The following GREB1 variants were observed in gnomAD, a reference collection of about 807,000 sequenced individuals.
GREB1 encodes the protein growth regulating estrogen receptor binding 1.
Under a neutral mutation model 200.7 loss-of-function variants are expected in GREB1, and 106 were observed. The ratio of observed to expected loss-of-function variants is 0.53; its 90% CI spans 0.45 to 0.62. GREB1 has a LOEUF of 0.62. GREB1 is among the 20% of genes least tolerant of loss of function. The pLI is 0.00. For synonymous variants in GREB1, 1,132 were observed against 1,092.4 expected (o/e 1.04, Z -0.72); for missense variants, 2,243 against 2,556.8 (o/e 0.88, Z 2.65).
At position 11,566,551 on chromosome 2, in the gene GREB1, T is replaced by C. The variant is rs1193329798; in HGVS notation, c.349T>C (p.Phe117Leu). 1 of 1,614,130 alleles carries C rather than the reference T, an allele frequency of 6.2e-7. No individual in the cohort carries two copies. Among genetic ancestry groups the C allele is most frequent in the Middle Eastern group, 1.7e-4 (1 of 6,056 alleles). ...CGAGCCCATGGATGTCCCTGCGGGC[T>C]TTCTCCTCGTGGGGGTCAAGTCCCC... ...SNEPMDVPAG[F>L]LLVGVKSPSL... The change falls in exon 4 of 33, where the codon TTT becomes CTT. Residue 117 changes from phenylalanine to leucine, a missense_variant. Phe to Leu is a conservative substitution (Grantham distance 22). Transcript: ENST00000381486.
In GREB1 at chr2:11,600,676, C is replaced by T. The variant is rs922926719; in HGVS notation, c.2334-124C>T. On this transcript the variant is annotated intron_variant, in intron 15 of 32. Transcript: ENST00000381486. ...TATTTTCTCTATTCTTAGTCAGGGG[C>T]AGAGCCATAATCTTTAGTCGTTGGT... The T allele has an allele frequency of 3.0e-5, 23 of 764,164 alleles. No individual in the cohort carries two copies. In the African/African-American group the frequency reaches 3.3e-4, roughly 11 times the overall value. The allele number at this position is 764,164 out of a possible 1,614,324, so 47.3% of individuals were successfully genotyped here.
At chr2:11,603,219 C>T (rs1201073365) in intron 17 of GREB1, among the ~76,000 whole-genome samples, 2 of 152,184 alleles carry the variant, frequency 1.3e-5, no homozygotes, top group Non-Finnish European at 2.9e-5. Context: ...ATGGTTTATT[C>T]GTGGTAAAGC....
At chr2:11,609,242 T>TTTTTTTTTATTTATTTA (rs142161972) in intron 17 of GREB1, among the ~76,000 whole-genome samples, 1 of 136,878 alleles carries the variant, frequency 7.3e-6, no homozygotes, top group Admixed American at 7.5e-5. Flanking sequence ...GGCATTATTA[T>TTTTTTTTTATTTATTTA]TTTATTTATT....
intron 5 of GREB1, among the ~76,000 whole-genome samples, chr2:11,577,163 A>T (rs1444229350): frequency 6.6e-6 from 1 of 152,136 alleles, no homozygotes; most frequent in Non-Finnish European, 1.5e-5. Flanking sequence ...CATCCAAGTG[A>T]TCCTCAACCA....
chr2:11,575,019 C>G (rs964088851), intron 4 of GREB1, among the ~76,000 whole-genome samples: 1 of 152,198 alleles, frequency 6.6e-6, no homozygotes, highest in African/African-American at 2.4e-5. Flanking sequence ...GTCCTGTAGG[C>G]CTCTGTAATG....
At chr2:11,585,061 A>C (rs1427927704) in intron 7 of GREB1, 100 bp from the exon 8 acceptor site, 3 of 584,564 alleles carry the variant, frequency 5.1e-6, no homozygotes, top group Non-Finnish European at 8.4e-6. Context: ...TAGAAAAAAA[A>C]AAACAAAACA....
chr2:11,586,865 C>A (rs1304902397), intron 9 of GREB1, among the ~76,000 whole-genome samples: 1 of 152,212 alleles, frequency 6.6e-6, no homozygotes, highest in African/African-American at 2.4e-5. Flanking sequence ...CTGGGCCCCA[C>A]TGTCTACCTC....
At chr2:11,626,179 C>G (rs545444502) in intron 24 of GREB1, among the ~76,000 whole-genome samples, 24 of 152,220 alleles carry the variant, frequency 1.6e-4, no homozygotes, top group African/African-American at 5.8e-4. Context: ...CATTTCAAAC[C>G]AACAACTTTA....
chr2:11,543,195 T>C (rs1342446785), intron 1 of GREB1, among the ~76,000 whole-genome samples: 1 of 152,158 alleles, frequency 6.6e-6, no homozygotes, highest in Non-Finnish European at 1.5e-5. Context: ...TGATATATTA[T>C]CTGCTCAGAG....
At chr2:11,578,237 C>T (rs1323358491) in intron 5 of GREB1, 60 bp from the exon 6 acceptor site, 1 of 1,568,646 alleles carries the variant, frequency 6.4e-7, no homozygotes, top group Admixed American at 1.7e-5. Flanking sequence ...TCCAGGAACT[C>T]ATTTCGTAGT....
intron 1 of GREB1, among the ~76,000 whole-genome samples, chr2:11,486,888 A>C (rs1367435872): frequency 6.6e-6 from 1 of 152,004 alleles, no homozygotes; most frequent in African/African-American, 2.4e-5. Flanking sequence ...AACAAACAAA[A>C]AAACAACCAC....
At chr2:11,532,883 G>A (rs1674127595), upstream of GREB1, among the ~76,000 whole-genome samples, 1 of 152,148 alleles carries the variant, frequency 6.6e-6, no homozygotes, top group Non-Finnish European at 1.5e-5. Context: ...CGGTGTAAAA[G>A]GTGCTTTACG....
intron 1 of GREB1, among the ~76,000 whole-genome samples, chr2:11,487,867 T>C (rs575704427): frequency 7.2e-5 from 11 of 152,336 alleles, no homozygotes; most frequent in African/African-American, 2.2e-4. Context: ...GAGAAGGGAA[T>C]GTCTTCTGGG....
intron 24 of GREB1, among the ~76,000 whole-genome samples, chr2:11,626,350 G>C (rs1684451622): frequency 6.6e-6 from 1 of 152,120 alleles, no homozygotes; most frequent in South Asian, 2.1e-4. Flanking sequence ...CACTTTGGGA[G>C]GCTGAGGTGG....
At chr2:11,490,018 T>A (rs1672744196) in intron 1 of GREB1, among the ~76,000 whole-genome samples, 1 of 149,764 alleles carries the variant, frequency 6.7e-6, no homozygotes, top group Admixed American at 6.7e-5. Context: ...TCTATTATAT[T>A]ACAATTATAT....
At chr2:11,598,929 G>A (rs925341746) in intron 15 of GREB1, 69 bp downstream of exon 15, 61 of 1,274,592 alleles carry the variant, frequency 4.8e-5, no homozygotes, top group African/African-American at 8.8e-5. Context: ...GGATGTTCCC[G>A]GGGGCTGAGG....
At chr2:11,572,655 T>C (rs1268857616) in intron 4 of GREB1, among the ~76,000 whole-genome samples, 1 of 151,920 alleles carries the variant, frequency 6.6e-6, no homozygotes, top group Non-Finnish European at 1.5e-5. Context: ...GTGAGTGTCA[T>C]GACCCCCACT....
Position 11,605,144 on chromosome 2 carries a change from C to CTTTTTTTTTTTTTTT in GREB1, c.2666+2620_2666+2634dup, listed in dbSNP as rs3035991. Among the ~76,000 whole-genome samples the CTTTTTTTTTTTTTTT allele has an allele frequency of 6.0e-4, 27 of 44,826 alleles. 5 individuals are homozygous for CTTTTTTTTTTTTTTT. The highest frequency in any genetic ancestry group is 8.7e-4 in the Non-Finnish European group (18 of 20,584). 29.4% of individuals were successfully genotyped at this position (44,826 alleles called of 152,430 possible). Reference sequence around the variant, plus strand: ...TGGAGCTGGGCACCAGAGCCTGCTTCTTTTTTTTTTTTTTTTTTTTTTTTT... The same window carrying CTTTTTTTTTTTTTTT: ...TGGAGCTGGGCACCAGAGCCTGCTTCTTTTTTTTTTTTTTTTTTTTTTTTTTTTTTTTTTTTTTTT... On this transcript the variant is annotated intron_variant, in intron 17 of 32. Transcript: ENST00000381486.
intron 13 of GREB1, 75 bp downstream of exon 13, chr2:11,596,314 G>C: frequency 7.3e-7 from 1 of 1,372,782 alleles, no homozygotes; most frequent in South Asian, 1.3e-5. Context: ...AGTGGGCGCA[G>C]GTGTGCACAG....
Sources: allele counts gnomAD v4.1 joint callset (sites outside exome capture counted in the v4.1 genomes callset), GRCh38; gene constraint gnomAD v4.1.1; transcripts MANE v1.5; gene names NCBI Gene and HGNC (gene_info 2026-07-23, HGNC 2026-07-21).